RASGRP1: variants seen among roughly 807,000 people sequenced by gnomAD.
The protein encoded by RASGRP1 is RAS guanyl-releasing protein 1.
Under a neutral mutation model 95.1 loss-of-function variants are expected in RASGRP1, and 37 were observed. That is an observed-to-expected ratio of 0.39 (90% CI 0.30 to 0.51). The LOEUF is 0.51. Among genes scored for constraint, RASGRP1 ranks in the 20% least tolerant of loss-of-function variants. The pLI is 0.80. For synonymous variants in RASGRP1, 325 were observed against 353.4 expected, an observed-to-expected ratio of 0.92 and a Z score of 0.90; for missense variants, 711 against 965.4, an observed-to-expected ratio of 0.74 and a Z score of 3.49.
At chr15:38,542,891 ATGTG>A (rs1555403806) in intron 2 of RASGRP1, among the ~76,000 whole-genome samples, 7 of 134,176 alleles carry the variant, frequency 5.2e-5, no homozygotes, top group Admixed American at 1.6e-4. Flanking sequence ...ATACACATAT[ATGTG>A]TATATATATA....
chr15:38,539,001 C>A (rs1892765430), intron 2 of RASGRP1, among the ~76,000 whole-genome samples: 1 of 152,138 alleles, frequency 6.6e-6, no homozygotes, highest in Non-Finnish European at 1.5e-5. Flanking sequence ...CCACTCTCCT[C>A]ACACGTTGCC....
At chr15:38,543,648 C>CTTTTTTTTTTTTTTTTTTTTTT (rs11450286) in intron 2 of RASGRP1, among the ~76,000 whole-genome samples, 1 of 49,508 alleles carries the variant, frequency 2.0e-5, no homozygotes, top group African/African-American at 5.2e-5. Flanking sequence ...TTCTTTTTTT[C>CTTTTTTTTTTTTTTTTTTTTTT]TTTTTTTTTT....
chr15:38,506,504 G>T (rs969961951), intron 9 of RASGRP1, among the ~76,000 whole-genome samples: 1 of 151,944 alleles, frequency 6.6e-6, no homozygotes, highest in Non-Finnish European at 1.5e-5. Flanking sequence ...GCGTGGTGGC[G>T]TGTGCCCGTG....
chr15:38,501,543 A>ACCACTATCTAT, intron 12 of RASGRP1: 1 of 604,502 alleles, frequency 1.7e-6, no homozygotes, highest in Non-Finnish European at 3.1e-6. Flanking sequence ...AACTAACTTG[A>ACCACTATCTAT]CCACTATCTA....
At chr15:38,549,020 C>T (rs1893220052) in intron 2 of RASGRP1, among the ~76,000 whole-genome samples, 2 of 152,190 alleles carry the variant, frequency 1.3e-5, no homozygotes, top group Admixed American at 1.3e-4. Context: ...AGCATCCATT[C>T]CCGAGAGCAA....
intron 1 of RASGRP1, chr15:38,560,311 A>G: frequency 2.6e-6 from 1 of 391,248 alleles, no homozygotes; most frequent in Non-Finnish European, 4.8e-6. Context: ...GGCAGTCCTT[A>G]GCTCCCAGCA....
In RASGRP1 at chr15:38,505,912, C is replaced by T. The variant is rs1173725831; in HGVS notation, c.1251G>A (p.Leu417=). ...TTTCATCCTCAGTGTAGTAAAGATC[C>T]AGGGATAACTGCAGATCAAAGCAGA... The part of the protein sequence containing the change: ...KDLVHLLTLS[L]DLYYTEDEIY... The change falls in exon 10 of 17, where the codon CTG becomes CTA. Residue 417 remains leucine, a synonymous_variant. Coordinates refer to ENST00000310803, the MANE Select transcript of RASGRP1 (RefSeq NM_005739.4). The T allele has an allele frequency of 1.9e-6, 3 of 1,609,350 alleles. No homozygotes were observed. In the African/African-American group the frequency reaches 4.0e-5, roughly 22 times the overall value.
At position 38,489,285 on chromosome 15, in the gene RASGRP1, CAAAT is replaced by C. The variant is rs1417307258; in HGVS notation, c.*1265_*1268del. 1.3e-5 allele frequency: 2 copies of C among 151,354 alleles called. No homozygotes were observed. The highest frequency in any genetic ancestry group is 1.3e-4 in the Admixed American group (2 of 15,200). The allele number at this position is 151,354 out of a possible 1,614,324, so 9.4% of individuals were successfully genotyped here. On this transcript the variant is annotated 3_prime_UTR_variant, in exon 17 of 17. Transcript: ENST00000310803. ...TTTAAGAGAACTAAAAAGAGGCTGA[CAAAT>C]GAATTTGTGAATAGGTGCCCAGGCA...
chr15:38,551,919 G>GA (rs1893355064), intron 2 of RASGRP1, among the ~76,000 whole-genome samples: 4 of 152,200 alleles, frequency 2.6e-5, no homozygotes, highest in Non-Finnish European at 5.9e-5. Context: ...ATAGACACCA[G>GA]TAGTGCCTGT....
chr15:38,528,998 C>T (rs1892339702), intron 2 of RASGRP1, among the ~76,000 whole-genome samples: 1 of 152,214 alleles, frequency 6.6e-6, no homozygotes, highest in Non-Finnish European at 1.5e-5. Context: ...GTTACCCCAA[C>T]TAAAAACCTA....
chr15:38,558,506 C>T (rs1224196770), intron 2 of RASGRP1, among the ~76,000 whole-genome samples: 1 of 152,184 alleles, frequency 6.6e-6, no homozygotes, highest in African/African-American at 2.4e-5. Context: ...AGCAATGATT[C>T]GCGAAGTGCG....
At position 38,503,303 on chromosome 15, in the gene RASGRP1, G is replaced by A; in HGVS notation, c.1397C>T (p.Thr466Ile). 6.2e-7 allele frequency: 1 copy of A among 1,612,674 alleles called. No homozygotes were observed. The highest frequency in any genetic ancestry group is 8.5e-7 in the Non-Finnish European group (1 of 1,179,272). ...CATCCTCTGGACGTGTTTGCTAATG[G>A]TTTTTGGATCAGGTTTGGGAGACAC... The part of the protein sequence containing the change: ...SGVSPKPDPK[T>I]ISKHVQRMVD... Residue 466 changes from threonine to isoleucine, a missense_variant, in exon 11 of 17, where the codon ACC becomes ATC. By Grantham distance (89) the Thr-to-Ile change is moderately conservative. Coordinates refer to ENST00000310803, the MANE Select transcript of RASGRP1 (RefSeq NM_005739.4).
intron 12 of RASGRP1, 35 bp downstream of exon 12, chr15:38,502,277 C>T (rs1218190436): frequency 3.5e-6 from 5 of 1,445,564 alleles, no homozygotes; most frequent in Non-Finnish European, 4.8e-6. Context: ...CACCAATGGG[C>T]TCATAACCAC....
intron 2 of RASGRP1, among the ~76,000 whole-genome samples, chr15:38,552,435 C>T (rs1184880521): frequency 4.6e-5 from 7 of 152,190 alleles, no homozygotes; most frequent in Non-Finnish European, 1.5e-5. Flanking sequence ...ACAATGGGCT[C>T]TCCAGGGGAG....
chr15:38,542,583 C>T (rs1055615528), intron 2 of RASGRP1, among the ~76,000 whole-genome samples: 2 of 150,980 alleles, frequency 1.3e-5, no homozygotes, highest in Admixed American at 6.6e-5. Context: ...TTTCAGAAAT[C>T]GGCAGTGAAG....
chr15:38,525,784 T>A (rs1024646745), intron 3 of RASGRP1, among the ~76,000 whole-genome samples: 17 of 152,134 alleles, frequency 1.1e-4, no homozygotes, highest in Admixed American at 1.0e-3. Flanking sequence ...TTGATTCATA[T>A]CCCGTAATAA....
At chr15:38,500,281 C>T in intron 13 of RASGRP1, 142 bp from the exon 14 acceptor site, 1 of 772,844 alleles carries the variant, frequency 1.3e-6, no homozygotes, top group South Asian at 1.6e-5. Context: ...TGTCTTGTCC[C>T]TTCTGACCTT....
chr15:38,506,921 C>A (rs1027183710), intron 9 of RASGRP1, among the ~76,000 whole-genome samples: 3 of 152,206 alleles, frequency 2.0e-5, no homozygotes, highest in African/African-American at 7.2e-5. Context: ...CTGCCAAGGT[C>A]ACCTGGCTAA....
At chr15:38,490,806 C>T in intron 16 of RASGRP1, 118 bp from the exon 17 acceptor site, 1 of 1,071,358 alleles carries the variant, frequency 9.3e-7, no homozygotes, top group East Asian at 2.5e-5. Context: ...GAATTAACAA[C>T]CATTTTCAAG....
Sources: allele counts gnomAD v4.1 joint callset (sites outside exome capture counted in the v4.1 genomes callset), GRCh38; gene constraint gnomAD v4.1.1; transcripts MANE v1.5; gene names NCBI Gene and HGNC (gene_info 2026-07-23, HGNC 2026-07-21).